The following ATOH8 variants were observed in gnomAD, a reference collection of about 807,000 sequenced individuals.
The protein encoded by ATOH8 is atonal bHLH transcription factor 8.
ATOH8 carries 9 observed loss-of-function variants against 21.2 expected under a neutral mutation model. The observed-to-expected ratio is 0.42, with a 90% CI of 0.26 to 0.74. The LOEUF (loss-of-function observed/expected upper bound fraction) is 0.74. ATOH8 is among the 30% of genes least tolerant of loss of function. ATOH8 has a pLI of 0.24. For synonymous variants in ATOH8, 253 were observed against 224.0 expected, an observed-to-expected ratio of 1.13 and a Z score of -1.16; for missense variants, 524 against 470.9, an observed-to-expected ratio of 1.11 and a Z score of -1.04.
chr2:85,767,007 TC>T (rs1488720924), intron 2 of ATOH8, among the ~76,000 whole-genome samples: 3 of 152,168 alleles, frequency 2.0e-5, no homozygotes, highest in African/African-American at 2.4e-5. Context: ...GGAGGGTACT[TC>T]CCTGCCTCCT....
chr2:85,759,129 G>T (rs1260116514), intron 1 of ATOH8, among the ~76,000 whole-genome samples: 1 of 152,168 alleles, frequency 6.6e-6, no homozygotes, highest in East Asian at 1.9e-4. Context: ...TTCCCAGGGG[G>T]TCTTCACCGA....
intron 2 of ATOH8, among the ~76,000 whole-genome samples, chr2:85,784,870 T>C (rs1680583883): frequency 6.6e-6 from 1 of 152,228 alleles, no homozygotes; most frequent in African/African-American, 2.4e-5. Flanking sequence ...TTCTTCCCAT[T>C]ACATCCCAGT....
Position 85,764,202 on chromosome 2 carries a change from G to C in ATOH8, c.960+20G>C. The C allele has an allele frequency of 6.2e-7, 1 of 1,612,942 alleles. No individual in the cohort carries two copies. On this transcript the variant is annotated intron_variant, in intron 2 of 2. Transcript: ENST00000306279. ...CGCAAGGTATGCACCAGCTGGGTGG[G>C]CGGTAGCTTCTGGGGAGCATAGGGG... is the stretch of plus-strand genomic sequence containing the variant.
intron 2 of ATOH8, chr2:85,773,231 T>C: frequency 5.5e-6 from 1 of 183,094 alleles, no homozygotes; most frequent in Non-Finnish European, 1.1e-5. Context: ...CATTCATAAA[T>C]ACGCCGGTGC....
At chr2:85,756,630 C>T (rs537569681) in intron 1 of ATOH8, among the ~76,000 whole-genome samples, 2 of 152,310 alleles carry the variant, frequency 1.3e-5, no homozygotes, top group Non-Finnish European at 2.9e-5. Context: ...ATTCAACAAT[C>T]AATTCCATCT....
At chr2:85,767,413 C>T (rs1680045449) in intron 2 of ATOH8, among the ~76,000 whole-genome samples, 1 of 151,874 alleles carries the variant, frequency 6.6e-6, no homozygotes, top group Non-Finnish European at 1.5e-5. Flanking sequence ...AGCCCAGGAA[C>T]TTATAACAGG....
chr2:85,773,899 G>A lies in ATOH8; in HGVS notation c.960+9717G>A, dbSNP rs570441034. The A allele has an allele frequency of 1.7e-4, 28 of 165,076 alleles. No homozygotes were observed. The South Asian group carries it at 4.7e-3, about 28-fold the overall frequency. The allele number at this position is 165,076 out of a possible 1,614,324, so 10.2% of individuals were successfully genotyped here. ...TGTCTCACCATCTGAAGGGCTCAGC[G>A]CAGGCCCACGGGATCCTCTCTCCTT... On this transcript the variant is annotated intron_variant, in intron 2 of 2. Coordinates refer to ENST00000306279, the MANE Select transcript of ATOH8 (RefSeq NM_032827.7).
rs550175372 is a variant in ATOH8 at position 85,774,000 on chromosome 2, C to T, written c.960+9818C>T. 37 of 788,248 alleles carry T rather than the reference C, an allele frequency of 4.7e-5. No individual in the cohort carries two copies. The African/African-American group carries it at 6.4e-4, about 14-fold the overall frequency. 48.8% of individuals were successfully genotyped at this position (788,248 alleles called of 1,614,324 possible). ...ACTCTTCCCTTGGGGGCCGTGCGGC[C>T]GGGTGCTCAAGTGTTTTAACCTCAG... On this transcript the variant is annotated intron_variant, in intron 2 of 2. Coordinates refer to ENST00000306279, the MANE Select transcript of ATOH8 (RefSeq NM_032827.7).
At chr2:85,769,082 G>A (rs535328687) in intron 2 of ATOH8, among the ~76,000 whole-genome samples, 7 of 152,342 alleles carry the variant, frequency 4.6e-5, no homozygotes, top group Middle Eastern at 3.4e-3. Context: ...ACAAGGAGGA[G>A]GCAGAACTGT....
At chr2:85,786,085 T>C (rs1449993851) in intron 2 of ATOH8, among the ~76,000 whole-genome samples, 1 of 152,170 alleles carries the variant, frequency 6.6e-6, no homozygotes, top group Admixed American at 6.5e-5. Context: ...GCTGCCAGAA[T>C]GAGGATTGCA....
chr2:85,754,321 A>G lies in ATOH8; in HGVS notation c.132A>G (p.Arg44=), dbSNP rs1679600467. ...ARRANGYKTF[R]LDLEAPEPRA... ...GCGCGAACGGCTATAAAACTTTCCG[A>G]CTGGACTTGGAAGCGCCCGAGCCCC... is the stretch of plus-strand genomic sequence containing the variant. Residue 44 remains arginine (R), a synonymous_variant, in exon 1 of 3, where the codon CGA becomes CGG. Coordinates refer to ENST00000306279, the MANE Select transcript of ATOH8 (RefSeq NM_032827.7). The G allele has an allele frequency of 1.9e-6, 3 of 1,609,136 alleles. No individual in the cohort carries two copies. In the East Asian group the frequency reaches 6.8e-5, roughly 36 times the overall value.
At chr2:85,779,164 T>C (rs533524592) in intron 2 of ATOH8, among the ~76,000 whole-genome samples, 1 of 152,352 alleles carries the variant, frequency 6.6e-6, no homozygotes, top group African/African-American at 2.4e-5. Flanking sequence ...GCTGCTGGCA[T>C]CTGGAAGAGC....
At chr2:85,786,784 C>G in intron 2 of ATOH8, 101 bp from the exon 3 acceptor site, 4 of 1,572,256 alleles carry the variant, frequency 2.5e-6, no homozygotes, top group Non-Finnish European at 2.6e-6. Flanking sequence ...GGTGGGGGCC[C>G]CTCTGCCTGG....
rs1484437999 is a variant in ATOH8, at chr2:85,775,741, C to T, written c.961-11144C>T. Among the ~76,000 whole-genome samples, 5 of 152,322 alleles carry T rather than the reference C, an allele frequency of 3.3e-5. No homozygotes were observed. In the South Asian group the frequency reaches 1.0e-3, roughly 32 times the overall value. ...CCCTCCCTTCCTCCAAAGGAAGATGCTCCCCTCGAACCCGAGAAAAACATC... is the reference window on the plus strand; with the variant it reads ...CCCTCCCTTCCTCCAAAGGAAGATGTTCCCCTCGAACCCGAGAAAAACATC... On this transcript the variant is annotated intron_variant, in intron 2 of 2. Transcript: ENST00000306279.
chr2:85,758,346 C>T (rs142203848), intron 1 of ATOH8, among the ~76,000 whole-genome samples: 26 of 152,340 alleles, frequency 1.7e-4, no homozygotes, highest in South Asian at 4.1e-4. Flanking sequence ...TAAGTTGTCC[C>T]GGTCTTTTGC....
chr2:85,776,858 A>G (rs370332896), intron 2 of ATOH8, among the ~76,000 whole-genome samples: 57 of 151,998 alleles, frequency 3.8e-4, no homozygotes, highest in African/African-American at 1.3e-3. Context: ...GTGACCGGGC[A>G]TTGCTGAGAG....
intron 2 of ATOH8, among the ~76,000 whole-genome samples, chr2:85,776,718 A>G (rs1680332531): frequency 6.6e-6 from 1 of 152,196 alleles, no homozygotes; most frequent in Admixed American, 6.5e-5. Context: ...CTCTACCTGC[A>G]CAGGGCCCAG....
At chr2:85,771,538 A>G (rs72928941) in intron 2 of ATOH8, among the ~76,000 whole-genome samples, 8,438 of 152,214 alleles carry the variant, frequency 0.055, 729 homozygotes, top group East Asian at 0.24. Context: ...CAGATGGGGA[A>G]GGACCAACCT....
intron 1 of ATOH8, among the ~76,000 whole-genome samples, chr2:85,763,237 G>C (rs545500713): frequency 6.6e-6 from 1 of 152,250 alleles, no homozygotes; most frequent in Non-Finnish European, 1.5e-5. Flanking sequence ...ACAAATATTG[G>C]TGGAGAGACA....
Sources: allele counts gnomAD v4.1 joint callset (sites outside exome capture counted in the v4.1 genomes callset), GRCh38; gene constraint gnomAD v4.1.1; transcripts MANE v1.5; gene names NCBI Gene and HGNC (gene_info 2026-07-23, HGNC 2026-07-21).